Variants in OPCML observed in about 807,000 individuals in gnomAD.
The protein encoded by OPCML is opioid-binding protein/cell adhesion molecule.
Under a neutral mutation model 37.8 loss-of-function variants are expected in OPCML, and 13 were observed. The observed-to-expected ratio is 0.34, with a 90% CI of 0.22 to 0.55. OPCML has a LOEUF of 0.55. Among genes scored for constraint, OPCML ranks in the 20% least tolerant of loss-of-function variants. The pLI is 0.91. For missense variants in OPCML, 341 were observed against 435.6 expected, an observed-to-expected ratio of 0.78 and a Z score of 1.93; for synonymous variants, 176 against 168.8, an observed-to-expected ratio of 1.04 and a Z score of -0.33.
intron 1 of OPCML, among the ~76,000 whole-genome samples, chr11:133,202,968 T>G (rs1938864912): frequency 6.6e-6 from 1 of 152,240 alleles, no homozygotes; most frequent in Admixed American, 6.5e-5. Flanking sequence ...CTTCTGTGTG[T>G]CAGGGCCGAG....
chr11:132,787,479 G>A (rs1947254009), intron 2 of OPCML, among the ~76,000 whole-genome samples: 2 of 152,040 alleles, frequency 1.3e-5, no homozygotes, highest in Non-Finnish European at 2.9e-5. Context: ...GCTTTGTTCA[G>A]TTTTCACATC....
intron 1 of OPCML, chr11:133,421,397 G>A (rs933105920): frequency 1.0e-6 from 1 of 985,308 alleles, no homozygotes; most frequent in African/African-American, 1.7e-5. Context: ...CAGAAGAAGA[G>A]AAATCAGGCA....
At chr11:132,776,044 C>T (rs1946799173) in intron 2 of OPCML, among the ~76,000 whole-genome samples, 1 of 152,192 alleles carries the variant, frequency 6.6e-6, no homozygotes, top group Admixed American at 6.5e-5. Flanking sequence ...ATTCTCCCAC[C>T]TCAGCCTCCC....
intron 2 of OPCML, among the ~76,000 whole-genome samples, chr11:132,824,956 C>T (rs1940211260): frequency 6.6e-6 from 1 of 152,226 alleles, no homozygotes; most frequent in Non-Finnish European, 1.5e-5. Flanking sequence ...GAAGATGCCT[C>T]CTGTCTTTAA....
intron 1 of OPCML, among the ~76,000 whole-genome samples, chr11:133,016,047 C>T (rs978516762): frequency 6.6e-6 from 1 of 152,180 alleles, no homozygotes; most frequent in Non-Finnish European, 1.5e-5. Context: ...CTCAGCCTCT[C>T]TTGTTTGTGA....
rs190441021 is a variant in OPCML at position 132,626,302 on chromosome 11, G to T, written c.379+30785C>A. Among the ~76,000 whole-genome samples the T allele has an allele frequency of 4.1e-4, 62 of 152,078 alleles. No homozygotes were observed. The East Asian group carries it at 0.011, about 28-fold the overall frequency. On this transcript the variant is annotated intron_variant, in intron 3 of 7. Coordinates refer to ENST00000524381, the MANE Select transcript of OPCML (RefSeq NM_001012393.5). ...AAGGGAGTACAGGTGTTGCAGGCAT[G>T]GACCTGAGCAACTCTCAGCCTATTC...
At chr11:133,377,155 T>C (rs931346109) in intron 1 of OPCML, among the ~76,000 whole-genome samples, 1 of 152,158 alleles carries the variant, frequency 6.6e-6, no homozygotes, top group Non-Finnish European at 1.5e-5. Context: ...CAGGTTGACG[T>C]GCTGCCTGAG....
intron 3 of OPCML, among the ~76,000 whole-genome samples, chr11:132,639,818 C>T (rs1940741211): frequency 1.3e-5 from 2 of 152,114 alleles, no homozygotes; most frequent in African/African-American, 4.8e-5. Flanking sequence ...CATAACCTTC[C>T]TATAAATAAG....
At chr11:133,384,261 A>AAAAAAAAAAAAAAAAAAAAG (rs1555149411) in intron 1 of OPCML, among the ~76,000 whole-genome samples, 1 of 109,338 alleles carries the variant, frequency 9.1e-6, no homozygotes, top group African/African-American at 5.0e-5. Context: ...AAAAAAAAAA[A>AAAAAAAAAAAAAAAAAAAAG]AAAAGAAAAG....
intron 2 of OPCML, among the ~76,000 whole-genome samples, chr11:132,871,130 A>T (rs937951837): frequency 6.6e-6 from 1 of 152,072 alleles, no homozygotes; most frequent in Admixed American, 6.6e-5. Context: ...TCCACAATGT[A>T]TATGTATATA....
chr11:132,840,556 C>T (rs557564579), intron 2 of OPCML, among the ~76,000 whole-genome samples: 1 of 152,262 alleles, frequency 6.6e-6, no homozygotes, highest in African/African-American at 2.4e-5. Flanking sequence ...TCCTCTGCTA[C>T]TGATAATGGG....
intron 2 of OPCML, among the ~76,000 whole-genome samples, chr11:132,866,791 G>A (rs1009796882): frequency 1.3e-5 from 2 of 152,208 alleles, no homozygotes; most frequent in African/African-American, 4.8e-5. Flanking sequence ...ATTCAAAGAT[G>A]AGTAAAACAA....
intron 2 of OPCML, among the ~76,000 whole-genome samples, chr11:132,933,277 T>C (rs1052579184): frequency 2.0e-5 from 3 of 152,166 alleles, no homozygotes; most frequent in Non-Finnish European, 4.4e-5. Context: ...AATTTGCAGG[T>C]ATTCTTCCAG....
chr11:132,969,379 T>C (rs1035944968), intron 1 of OPCML, among the ~76,000 whole-genome samples: 1 of 152,216 alleles, frequency 6.6e-6, no homozygotes, highest in Non-Finnish European at 1.5e-5. Flanking sequence ...CTTTCAACCT[T>C]TTCCCTATGA....
intron 2 of OPCML, among the ~76,000 whole-genome samples, chr11:132,826,857 T>G (rs7110211): frequency 0.3 from 45,320 of 151,930 alleles, 7,959 homozygotes; most frequent in Non-Finnish European, 0.41. Context: ...ACACAAAGAG[T>G]ATTTATCTGA....
chr11:132,730,476 G>A (rs1200722348), intron 2 of OPCML, among the ~76,000 whole-genome samples: 10 of 152,030 alleles, frequency 6.6e-5, no homozygotes, highest in Admixed American at 5.2e-4. Context: ...TGATAAATAC[G>A]ATGTCAATTA....
At chr11:132,499,567 GAGAAATTC>G (rs982500737) in intron 4 of OPCML, among the ~76,000 whole-genome samples, 1 of 152,230 alleles carries the variant, frequency 6.6e-6, no homozygotes, top group Non-Finnish European at 1.5e-5. Flanking sequence ...AGAGGAGGCA[GAGAAATTC>G]CATGTTTAAA....
intron 3 of OPCML, among the ~76,000 whole-genome samples, chr11:132,548,485 G>T (rs76085248): frequency 0.034 from 5,153 of 152,172 alleles, 303 homozygotes; most frequent in African/African-American, 0.12. Context: ...TCGTTCATCT[G>T]CTCATTTCCC....
intron 1 of OPCML, among the ~76,000 whole-genome samples, chr11:133,101,564 T>C (rs1215947431): frequency 6.6e-6 from 1 of 152,042 alleles, no homozygotes; most frequent in Non-Finnish European, 1.5e-5. Flanking sequence ...ACTGACAATA[T>C]CAAATGTTGA....
Sources: allele counts gnomAD v4.1 joint callset (sites outside exome capture counted in the v4.1 genomes callset), GRCh38; gene constraint gnomAD v4.1.1; transcripts MANE v1.5; gene names NCBI Gene and HGNC (gene_info 2026-07-23, HGNC 2026-07-21).